The following TRMT9B variants were observed in gnomAD, a reference collection of about 807,000 sequenced individuals.
The protein encoded by TRMT9B is probable tRNA methyltransferase 9B.
Under a neutral mutation model 11.5 loss-of-function variants are expected in TRMT9B, and 16 were observed. The observed-to-expected ratio is 1.39, with a 90% CI of 0.94 to 2.11. TRMT9B has a LOEUF of 2.11. Ranked by LOEUF, TRMT9B falls within the 30% of genes most tolerant of loss-of-function variation. The pLI is 0.00. For missense variants in TRMT9B, 941 were observed against 553.8 expected (o/e 1.70, Z -7.02); for synonymous variants, 274 against 192.4 (o/e 1.42, Z -3.51).
At chr8:12,964,597 C>T (rs543571990) in intron 1 of TRMT9B, among the ~76,000 whole-genome samples, 86 of 152,164 alleles carry the variant, frequency 5.7e-4, no homozygotes, top group African/African-American at 1.9e-3. Context: ...GTTTTTGAGA[C>T]GGGGTCTCTC....
chr8:13,012,667 AG>A lies in TRMT9B; in HGVS notation c.155-15del. On this transcript the variant is annotated splice_polypyrimidine_tract_variant and intron_variant, in intron 3 of 4. Coordinates refer to ENST00000524591, the MANE Select transcript of TRMT9B (RefSeq NM_020844.3). ...TTCCATTGAGGATAGCATGTAACGC[AG>A]GTTTTTCTCTTATAGGTTGTGGGAC... 1.5e-5 allele frequency: 24 copies of A among 1,599,200 alleles called. No homozygotes were observed. Among genetic ancestry groups the A allele is most frequent in the Non-Finnish European group, 1.8e-5 (21 of 1,171,022 alleles).
At chr8:13,001,633 G>A (rs1343031368) in intron 2 of TRMT9B, among the ~76,000 whole-genome samples, 1 of 152,146 alleles carries the variant, frequency 6.6e-6, no homozygotes, top group Admixed American at 6.5e-5. Context: ...AAAGACAAGA[G>A]GTGTTTAAAG....
chr8:12,998,472 C>CAGAA (rs1299952933), intron 2 of TRMT9B, among the ~76,000 whole-genome samples: 19 of 152,182 alleles, frequency 1.2e-4, no homozygotes, highest in African/African-American at 4.6e-4. Context: ...AAGTGTGGTA[C>CAGAA]AGAAAGAAAC....
At chr8:13,000,551 C>T (rs77558981) in intron 2 of TRMT9B, among the ~76,000 whole-genome samples, 3,753 of 152,262 alleles carry the variant, frequency 0.025, 157 homozygotes, top group African/African-American at 0.086. Flanking sequence ...CCTACATCAA[C>T]TTCCCCCAGC....
intron 2 of TRMT9B, among the ~76,000 whole-genome samples, chr8:13,003,896 A>T (rs1461887583): frequency 6.6e-6 from 1 of 150,976 alleles, no homozygotes; most frequent in African/African-American, 2.4e-5. Context: ...AAGGAAGCAC[A>T]GAAGAGGGTG....
At chr8:12,973,168 A>T (rs1275638834) in intron 1 of TRMT9B, among the ~76,000 whole-genome samples, 1 of 152,114 alleles carries the variant, frequency 6.6e-6, no homozygotes, top group Non-Finnish European at 1.5e-5. Context: ...TCAGAATTGC[A>T]TTGCTTTTTA....
At chr8:13,012,575 A>AAAAT (rs1307664878) in intron 3 of TRMT9B, 109 bp from the exon 4 acceptor site, 10 of 1,360,732 alleles carry the variant, frequency 7.3e-6, no homozygotes, top group Middle Eastern at 2.3e-4. Flanking sequence ...ACTCTGTCTC[A>AAAAT]AAATAAATAA....
intron 1 of TRMT9B, chr8:12,952,235 G>A: frequency 2.3e-6 from 1 of 441,830 alleles, no homozygotes; most frequent in Non-Finnish European, 4.6e-6. Context: ...CTGCATAGGG[G>A]AGCGGAGAGA....
intron 3 of TRMT9B, among the ~76,000 whole-genome samples, chr8:13,008,532 A>G (rs913987337): frequency 6.6e-6 from 1 of 152,190 alleles, no homozygotes; most frequent in Admixed American, 6.5e-5. Flanking sequence ...GGTTACAAAT[A>G]AATTTCAGCA....
chr8:12,955,850 A>C (rs1357046303), intron 1 of TRMT9B, among the ~76,000 whole-genome samples: 2 of 152,066 alleles, frequency 1.3e-5, no homozygotes, highest in African/African-American at 2.4e-5. Flanking sequence ...CCCGGGCGGC[A>C]AGCTTGATGG....
chr8:12,973,104 G>T (rs1355787058), intron 1 of TRMT9B, among the ~76,000 whole-genome samples: 2 of 152,154 alleles, frequency 1.3e-5, no homozygotes, highest in African/African-American at 4.8e-5. Flanking sequence ...TTCATGTCTG[G>T]CTTATTTCAC....
At chr8:12,972,636 C>T (rs1425755043) in intron 1 of TRMT9B, among the ~76,000 whole-genome samples, 1 of 152,062 alleles carries the variant, frequency 6.6e-6, no homozygotes, top group Non-Finnish European at 1.5e-5. Flanking sequence ...GTGCTGTTTA[C>T]AGAGTCCCGC....
intron 1 of TRMT9B, among the ~76,000 whole-genome samples, chr8:12,982,167 TG>T (rs1358967565): frequency 6.6e-6 from 1 of 152,206 alleles, no homozygotes; most frequent in African/African-American, 2.4e-5. Context: ...GTTGTCCCTT[TG>T]AGATTTTTCT....
chr8:12,963,529 C>T (rs763351257), intron 1 of TRMT9B, among the ~76,000 whole-genome samples: 109 of 152,064 alleles, frequency 7.2e-4, no homozygotes, highest in South Asian at 2.1e-4. Flanking sequence ...CTAGGCAGAT[C>T]GCTTGAGCCC....
At chr8:12,992,377 G>A (rs551297484) in intron 2 of TRMT9B, among the ~76,000 whole-genome samples, 32 of 152,162 alleles carry the variant, frequency 2.1e-4, no homozygotes, top group African/African-American at 7.2e-4. Context: ...TCCTGGGGCC[G>A]GGCACAGTGG....
chr8:12,989,009 T>A (rs1340447470), intron 1 of TRMT9B, among the ~76,000 whole-genome samples: 1 of 152,166 alleles, frequency 6.6e-6, no homozygotes, highest in African/African-American at 2.4e-5. Flanking sequence ...CCCTAGTGCC[T>A]TACATCTGCC....
At chr8:12,969,824 A>C (rs1163217595) in intron 1 of TRMT9B, among the ~76,000 whole-genome samples, 1 of 147,758 alleles carries the variant, frequency 6.8e-6, no homozygotes, top group Non-Finnish European at 1.5e-5. Context: ...GGCCTGCACC[A>C]CCACACCCAG....
chr8:12,982,261 G>T (rs1563355688), intron 1 of TRMT9B, among the ~76,000 whole-genome samples: 1 of 152,152 alleles, frequency 6.6e-6, no homozygotes, highest in Admixed American at 6.5e-5. Context: ...AAGGGGCAGG[G>T]TTACTCACAA....
At chr8:13,017,743 A>T (rs987086734) in intron 4 of TRMT9B, among the ~76,000 whole-genome samples, 1 of 151,022 alleles carries the variant, frequency 6.6e-6, no homozygotes, top group African/African-American at 2.4e-5. Context: ...TTTCCTGAGT[A>T]ACTTGGACCA....
Sources: allele counts gnomAD v4.1 joint callset (sites outside exome capture counted in the v4.1 genomes callset), GRCh38; gene constraint gnomAD v4.1.1; transcripts MANE v1.5; gene names NCBI Gene and HGNC (gene_info 2026-07-23, HGNC 2026-07-21).